The following SPAG16 variants were observed in gnomAD, a reference collection of about 807,000 sequenced individuals.
The protein encoded by SPAG16 is sperm-associated antigen 16 protein.
Under a neutral mutation model 80.4 loss-of-function variants are expected in SPAG16, and 86 were observed. The ratio of observed to expected loss-of-function variants is 1.07; its 90% CI spans 0.90 to 1.28. SPAG16 has a LOEUF of 1.28. Among genes scored for constraint, SPAG16 ranks in the 50% most tolerant of loss-of-function variants. SPAG16 has a pLI of 0.00. For synonymous variants in SPAG16, 294 were observed against 265.9 expected, an observed-to-expected ratio of 1.11 and a Z score of -1.03; for missense variants, 870 against 765.3, an observed-to-expected ratio of 1.14 and a Z score of -1.61.
chr2:213,466,299 T>G (rs1164130077), intron 9 of SPAG16, among the ~76,000 whole-genome samples: 2 of 152,194 alleles, frequency 1.3e-5, no homozygotes, highest in Non-Finnish European at 2.9e-5. Context: ...CTAATACACC[T>G]TCCTCACTGA....
intron 10 of SPAG16, among the ~76,000 whole-genome samples, chr2:213,743,400 T>C (rs1374349681): frequency 6.6e-6 from 1 of 152,246 alleles, no homozygotes; most frequent in Non-Finnish European, 1.5e-5. Context: ...CACTCCATCC[T>C]GAGATCAACT....
chr2:214,233,524 G>A (rs1024135765), intron 15 of SPAG16, among the ~76,000 whole-genome samples: 1 of 151,928 alleles, frequency 6.6e-6, no homozygotes, highest in Non-Finnish European at 1.5e-5. Context: ...ACATCATAAA[G>A]GGTCATGGTA....
intron 13 of SPAG16, among the ~76,000 whole-genome samples, chr2:214,083,043 T>G (rs6744046): frequency 6.6e-6 from 1 of 152,190 alleles, no homozygotes; most frequent in Admixed American, 6.5e-5. Flanking sequence ...TTTTGTTCTT[T>G]GACTTTTAAA....
At chr2:214,329,617 G>T (rs1308396278) in intron 15 of SPAG16, among the ~76,000 whole-genome samples, 1 of 152,168 alleles carries the variant, frequency 6.6e-6, no homozygotes, top group African/African-American at 2.4e-5. Context: ...TATTTGAACT[G>T]CTGGGCATGG....
At chr2:213,422,009 C>T (rs1420621287) in intron 9 of SPAG16, 2 of 581,140 alleles carry the variant, frequency 3.4e-6, no homozygotes, top group Non-Finnish European at 6.2e-6. Flanking sequence ...TGCCCATCCA[C>T]CTACCAGTTT....
At chr2:214,365,341 A>G (rs1699409353) in intron 15 of SPAG16, among the ~76,000 whole-genome samples, 1 of 152,202 alleles carries the variant, frequency 6.6e-6, no homozygotes, top group Non-Finnish European at 1.5e-5. Flanking sequence ...TCAGTTGGTC[A>G]GATATTCAAG....
chr2:213,480,581 C>G (rs773487116), intron 9 of SPAG16, among the ~76,000 whole-genome samples: 1 of 152,168 alleles, frequency 6.6e-6, no homozygotes, highest in Non-Finnish European at 1.5e-5. Context: ...TTTTCAAAAG[C>G]TGTTACATTA....
intron 10 of SPAG16, among the ~76,000 whole-genome samples, chr2:213,818,093 T>A (rs575798458): frequency 6.6e-6 from 1 of 152,290 alleles, no homozygotes; most frequent in East Asian, 1.9e-4. Flanking sequence ...GCAATTTCCT[T>A]ATCTAAGTAA....
chr2:213,464,977 C>T (rs1223139577), intron 9 of SPAG16, among the ~76,000 whole-genome samples: 1 of 152,102 alleles, frequency 6.6e-6, no homozygotes, highest in East Asian at 1.9e-4. Context: ...TTAGAGGGGC[C>T]TCAAGTGGAT....
chr2:214,074,385 A>C (rs978945789), intron 13 of SPAG16, among the ~76,000 whole-genome samples: 1 of 152,216 alleles, frequency 6.6e-6, no homozygotes, highest in Non-Finnish European at 1.5e-5. Context: ...CTCCAAACTT[A>C]TACAATACAC....
intron 10 of SPAG16, among the ~76,000 whole-genome samples, chr2:213,639,503 ACTTAGTTTTGCTGGCAAAAAAAT>A (rs1450322101): frequency 6.6e-6 from 1 of 152,130 alleles, no homozygotes; most frequent in Non-Finnish European, 1.5e-5. Context: ...CGTTTATGAA[ACTTAGTTTTGCTGGCAAAAAAAT>A]CTTAGCTGAT....
At chr2:214,162,047 A>G (rs552406802) in intron 15 of SPAG16, among the ~76,000 whole-genome samples, 1 of 152,054 alleles carries the variant, frequency 6.6e-6, no homozygotes, top group Non-Finnish European at 1.5e-5. Flanking sequence ...TCCGAGGTGC[A>G]AGGGAGTGTT....
intron 4 of SPAG16, among the ~76,000 whole-genome samples, chr2:213,312,412 G>A (rs960305315): frequency 6.6e-6 from 1 of 151,556 alleles, no homozygotes; most frequent in Non-Finnish European, 1.5e-5. Flanking sequence ...ACCCTTACCT[G>A]AGCATATGTC....
intron 6 of SPAG16, among the ~76,000 whole-genome samples, chr2:213,348,872 T>C (rs1177705150): frequency 1.3e-5 from 2 of 152,104 alleles, no homozygotes; most frequent in African/African-American, 2.4e-5. Flanking sequence ...TTGCTCTTCT[T>C]GAGGAGTATC....
At chr2:213,626,267 C>A (rs2061957998) in intron 10 of SPAG16, among the ~76,000 whole-genome samples, 1 of 151,894 alleles carries the variant, frequency 6.6e-6, no homozygotes, top group Non-Finnish European at 1.5e-5. Flanking sequence ...GAAGGAATGT[C>A]TGAAAGCACC....
intron 9 of SPAG16, among the ~76,000 whole-genome samples, chr2:213,474,140 G>A (rs541342957): frequency 5.9e-5 from 9 of 152,172 alleles, no homozygotes; most frequent in Admixed American, 1.3e-4. Flanking sequence ...CAAACTCAGT[G>A]TCCCCATCTT....
At chr2:214,280,054 A>G (rs1692800444) in intron 15 of SPAG16, among the ~76,000 whole-genome samples, 2 of 152,220 alleles carry the variant, frequency 1.3e-5, no homozygotes. Context: ...ACCAACGATC[A>G]CTTTAAGACA....
intron 15 of SPAG16, among the ~76,000 whole-genome samples, chr2:214,227,325 C>T (rs1303951004): frequency 2.0e-5 from 3 of 151,916 alleles, no homozygotes; most frequent in Admixed American, 6.6e-5. Flanking sequence ...GTATTAGAAA[C>T]AGTTTTAATA....
At chr2:214,337,970 A>G (rs1336930177) in intron 15 of SPAG16, among the ~76,000 whole-genome samples, 1 of 152,150 alleles carries the variant, frequency 6.6e-6, no homozygotes, top group East Asian at 1.9e-4. Context: ...AAAGGACATG[A>G]CTAGTGGTAG....
Sources: gnomAD v4.1 joint callset for allele counts (sites outside exome capture counted in the v4.1 genomes callset) on GRCh38, gnomAD v4.1.1 for gene constraint, MANE v1.5 for transcripts, NCBI Gene and HGNC (gene_info 2026-07-23, HGNC 2026-07-21) for gene names.